IQSEC1: variants seen among roughly 807,000 people sequenced by gnomAD.
IQSEC1 encodes the protein IQ motif and Sec7 domain ArfGEF 1.
IQSEC1 carries 31 observed loss-of-function variants against 91.0 expected under a neutral mutation model. The observed-to-expected ratio is 0.34, with a 90% CI of 0.26 to 0.46. The LOEUF is 0.46. Among genes scored for constraint, IQSEC1 ranks in the 20% least tolerant of loss-of-function variants. The pLI is 1.00. For missense variants in IQSEC1, 1,388 were observed against 1,575.6 expected (o/e 0.88, Z 2.02); for synonymous variants, 699 against 662.6 (o/e 1.05, Z -0.84).
rs539466512 is a variant in IQSEC1 at position 13,210,248 on chromosome 3, G to T, written c.273-46115C>A. Among the ~76,000 whole-genome samples, 15 of 152,136 alleles carry T rather than the reference G, an allele frequency of 9.9e-5. No individual in the cohort carries two copies. In the South Asian group the frequency reaches 2.5e-3, roughly 25 times the overall value. On this transcript the variant is annotated intron_variant, in intron 1 of 15. Coordinates refer to the IQSEC1 transcript ENST00000648114. ...GCTGTGGTATCCCCCAGGCTGGGGG[G>T]ACCCAGTGAGGTAGAATGAACGCCA...
At position 13,000,637 on chromosome 3, in the gene IQSEC1, G is replaced by A. The variant is rs188111720; in HGVS notation, c.24-58772C>T. ...GCTACAGAGCCATGCCCTGTAAGCA[G>A]ACAGGTGAGGTATATGCAGCAGAGG... On this transcript the variant is annotated intron_variant, in intron 1 of 13. Transcript: ENST00000613206. 1.6e-4 allele frequency among the ~76,000 whole-genome samples: 25 copies of A among 152,342 alleles called. No homozygotes were observed. The East Asian group carries it at 4.6e-3, about 28-fold the overall frequency.
chr3:13,104,869 G>C (rs1296851383), intron 2 of IQSEC1, among the ~76,000 whole-genome samples: 8 of 152,216 alleles, frequency 5.3e-5, no homozygotes, highest in Non-Finnish European at 1.5e-5. Context: ...GGCAGGACCA[G>C]GATGAAGATC....
At chr3:12,914,444 G>A (rs1054859272) in intron 8 of IQSEC1, among the ~76,000 whole-genome samples, 6 of 152,228 alleles carry the variant, frequency 3.9e-5, no homozygotes, top group Non-Finnish European at 8.8e-5. Context: ...TGGCACATCT[G>A]GGGGTTAAGA....
In IQSEC1 at chr3:12,924,663, G is replaced by A; in HGVS notation, c.1648C>T (p.Leu550=). ...TGCCGGCTGAGGCCCTTGCGCTGCA[G>A]CAGGAAGTGGGCCACCCCGACGGGC... The part of the protein sequence containing the change: ...DTPVGVAHFL[L]QRKGLSRQMI... Residue 550 remains leucine, a synonymous_variant, in exon 4 of 14, where the codon CTG becomes TTG. Transcript: ENST00000613206. This position sits in a 1 kb window ranked among gnomAD's most constrained non-coding sequence, Gnocchi z 6.3. 4.4e-5 allele frequency: 71 copies of A among 1,610,900 alleles called. No individual in the cohort carries two copies. The highest frequency in any genetic ancestry group is 5.9e-5 in the Non-Finnish European group (69 of 1,178,526).
At chr3:12,988,745 C>T (rs1303140768) in intron 1 of IQSEC1, among the ~76,000 whole-genome samples, 2 of 152,160 alleles carry the variant, frequency 1.3e-5, no homozygotes, top group African/African-American at 2.4e-5. Flanking sequence ...TGGTCACACG[C>T]ATGTTCTTAT....
intron 1 of IQSEC1, among the ~76,000 whole-genome samples, chr3:12,980,680 G>C (rs980246448): frequency 6.6e-6 from 1 of 152,172 alleles, no homozygotes; most frequent in Non-Finnish European, 1.5e-5. Context: ...GAGGGGCTGG[G>C]ATGGGACCTT....
chr3:13,063,873 T>C (rs1352813997), intron 1 of IQSEC1, among the ~76,000 whole-genome samples: 1 of 152,176 alleles, frequency 6.6e-6, no homozygotes, highest in Non-Finnish European at 1.5e-5. Flanking sequence ...GAACTGAGAC[T>C]GGGAGGTCAC....
At position 12,936,120 on chromosome 3, in the gene IQSEC1, G is replaced by A. The variant is rs1342413854; in HGVS notation, c.896C>T (p.Ser299Leu). The A allele has an allele frequency of 1.2e-6, 2 of 1,611,774 alleles. No individual in the cohort carries two copies. The highest frequency in any genetic ancestry group is 8.5e-7 in the Non-Finnish European group (1 of 1,179,832). ...VTLYIDEEEL[S>L]PPLPLSQAGD... is the part of the protein sequence containing the mutation. ...TGCCTGCGAGAGGGGCAGAGGGGGC[G>A]ACAGCTCCTCCTCATCGATGTACAG... is the stretch of plus-strand genomic sequence containing the variant. The change falls in exon 3 of 14, where the codon TCG becomes TTG. Residue 299 changes from serine (S) to leucine (L), a missense_variant. Physicochemically the swap from Ser to Leu is moderately radical, Grantham distance 145. This residue lies in a region of IQSEC1 where 1,059 missense variants were observed against 1,317.8 expected (regional missense o/e 0.80). Transcript: ENST00000613206.
At chr3:12,938,316 G>A (rs539983851) in intron 2 of IQSEC1, among the ~76,000 whole-genome samples, 13 of 152,342 alleles carry the variant, frequency 8.5e-5, no homozygotes, top group Non-Finnish European at 1.5e-4. Flanking sequence ...AGCTGCAGGC[G>A]CAGAACTGAA....
intron 2 of IQSEC1, among the ~76,000 whole-genome samples, chr3:13,099,123 G>T (rs1022740628): frequency 1.3e-5 from 2 of 152,208 alleles, no homozygotes; most frequent in African/African-American, 2.4e-5. Context: ...CAGGAATAGG[G>T]TGGTGGCTAG....
intron 1 of IQSEC1, among the ~76,000 whole-genome samples, chr3:13,004,578 C>T (rs1469052973): frequency 6.6e-6 from 1 of 152,308 alleles, no homozygotes; most frequent in Non-Finnish European, 1.5e-5. Context: ...ACTGTCTCCA[C>T]ACAGCAAAGA....
chr3:12,902,659 A>AC lies in IQSEC1; in HGVS notation c.2805+113_2805+114insG, dbSNP rs1559598655. On this transcript the variant is annotated intron_variant, in intron 13 of 13. Transcript: ENST00000613206. Reference sequence around the variant, plus strand: ...AGGAAAAGCCAAAAAAAAAAACAACAAAAAAAAAACCAAAAAAAAAAAAAA... The same window carrying AC: ...AGGAAAAGCCAAAAAAAAAAACAACACAAAAAAAAACCAAAAAAAAAAAAAA... 5.6e-5 allele frequency: 5 copies of AC among 89,810 alleles called. 1 individual carries two copies. In the African/African-American group the frequency reaches 6.1e-4, roughly 11 times the overall value. 5.6% of individuals were successfully genotyped at this position (89,810 alleles called of 1,614,324 possible).
chr3:13,219,516 C>T lies in IQSEC1; in HGVS notation c.273-55383G>A, dbSNP rs556946227. Among the ~76,000 whole-genome samples the T allele has an allele frequency of 5.9e-5, 9 of 152,334 alleles. No homozygotes were observed. The South Asian group carries it at 8.3e-4, about 14-fold the overall frequency. ...CCGGCGGGAAGGCACATGAAGCAGA[C>T]GCACCTCGCAGAGCGCTGCCTCATT... On this transcript the variant is annotated intron_variant, in intron 1 of 15. Coordinates refer to the IQSEC1 transcript ENST00000648114.
At chr3:13,274,506 G>A (rs996455548) in intron 1 of IQSEC1, among the ~76,000 whole-genome samples, 2 of 152,268 alleles carry the variant, frequency 1.3e-5, no homozygotes, top group Non-Finnish European at 2.9e-5. Context: ...CAAGTGGTAT[G>A]CAGAGCAAAG....
At chr3:13,072,840 C>T (rs950772115) in intron 1 of IQSEC1, among the ~76,000 whole-genome samples, 152 bp downstream of exon 1, 6 of 152,212 alleles carry the variant, frequency 3.9e-5, no homozygotes, top group East Asian at 3.8e-4. Context: ...AGGGGCCGAG[C>T]GCCGGCATCC....
chr3:12,966,805 GT>G (rs1426042091), intron 1 of IQSEC1, among the ~76,000 whole-genome samples: 2 of 152,178 alleles, frequency 1.3e-5, no homozygotes, highest in Non-Finnish European at 2.9e-5. Context: ...TGGGACGCCT[GT>G]TTGTTCAGGG....
chr3:13,233,364 G>A (rs753006853), intron 1 of IQSEC1, among the ~76,000 whole-genome samples: 3 of 152,200 alleles, frequency 2.0e-5, no homozygotes, highest in African/African-American at 7.2e-5. Flanking sequence ...GGGTCTGCAG[G>A]CCTCACCACT....
At position 12,970,368 on chromosome 3, in the gene IQSEC1, C is replaced by A. The variant is rs1433490605; in HGVS notation, c.24-28503G>T. ...TAAAAAGTCATGGAGACGTTTAGTTCCACTGTATCACCCCATGTTTTAGTC... is the reference window on the plus strand; with the variant it reads ...TAAAAAGTCATGGAGACGTTTAGTTACACTGTATCACCCCATGTTTTAGTC... On this transcript the variant is annotated intron_variant, in intron 1 of 13. Transcript: ENST00000613206. The surrounding 1 kb of genome is among the most constrained non-coding windows in gnomAD (Gnocchi z 4.4). 6.6e-6 allele frequency among the ~76,000 whole-genome samples: 1 copy of A among 152,170 alleles called. No homozygotes were observed. Among genetic ancestry groups the A allele is most frequent in the Non-Finnish European group, 1.5e-5 (1 of 68,020 alleles).
Position 12,915,107 on chromosome 3 carries a change from G to T in IQSEC1, c.2187C>A (p.Gly729=). Reference sequence around the variant, plus strand: ...GTAAAACCAGAGAAATACTCACACAGCCGAGCCCGGGATGCAGGGATCCGA... The same window carrying T: ...GTAAAACCAGAGAAATACTCACACATCCGAGCCCGGGATGCAGGGATCCGA... ...KPIGSLHPGL[G]CVLSLPHRRL... Residue 729 remains glycine (G), a synonymous_variant, in exon 8 of 14, where the codon GGC becomes GGA. Coordinates refer to ENST00000613206, the MANE Select transcript of IQSEC1 (RefSeq NM_001134382.3). 1 of 1,607,446 alleles carries T rather than the reference G, an allele frequency of 6.2e-7. No homozygotes were observed.
Sources: gnomAD v4.1 joint callset for allele counts (sites outside exome capture counted in the v4.1 genomes callset) on GRCh38, gnomAD v4.1.1 for gene constraint, gnomAD v4.1.1 regional missense constraint, Gnocchi (gnomAD v3.1) non-coding constraint, MANE v1.5 for transcripts, NCBI Gene and HGNC (gene_info 2026-07-23, HGNC 2026-07-21) for gene names.